Variants in RNMT observed in about 807,000 individuals in gnomAD.
The protein encoded by RNMT is RNA guanine-7 methyltransferase, also known as mRNA cap guanine-N(7) methyltransferase.
RNMT carries 27 observed loss-of-function variants against 56.0 expected under a neutral mutation model. That is an observed-to-expected ratio of 0.48 (90% confidence interval 0.36 to 0.67). The LOEUF (loss-of-function observed/expected upper bound fraction) is 0.67, where lower values mean the gene tolerates loss of function less well. RNMT is among the 30% of genes least tolerant of loss of function. The pLI is 0.00. For missense variants in RNMT, 519 were observed against 552.1 expected (o/e 0.94, Z 0.60); for synonymous variants, 184 against 176.2 (o/e 1.04, Z -0.35).
At chr18:13,732,423 A>T (rs2044086049) in intron 3 of RNMT, among the ~76,000 whole-genome samples, 1 of 152,214 alleles carries the variant, frequency 6.6e-6, no homozygotes, top group Non-Finnish European at 1.5e-5. Flanking sequence ...GATAACTTTT[A>T]AAATTATACC....
Position 13,754,099 on chromosome 18 carries a change from CTT to C in RNMT, c.1360-12_1360-11del, listed in dbSNP as rs776612053. 6 of 1,498,338 alleles carry C rather than the reference CTT, an allele frequency of 4.0e-6. No individual in the cohort carries two copies. The highest frequency in any genetic ancestry group is 5.6e-6 in the Non-Finnish European group (6 of 1,079,956). The allele number at this position is 1,498,338 out of a possible 1,614,324, so 92.8% of individuals were successfully genotyped here. A position where few individuals can be genotyped will look rare whatever the true frequency, so the allele number is the denominator to read the frequency against. On this transcript the variant is annotated splice_polypyrimidine_tract_variant and intron_variant, in intron 10 of 11. Coordinates refer to ENST00000383314, the MANE Select transcript of RNMT (RefSeq NM_003799.3). ...ATTGAATCTAAAATTTTCTTTTTCTCTTTTGTAATTTTAGGGAACCTTAAGTA... is the reference window on the plus strand; with the variant it reads ...ATTGAATCTAAAATTTTCTTTTTCTCTTGTAATTTTAGGGAACCTTAAGTA...
chr18:13,727,488 G>A (rs1467193191), intron 1 of RNMT, among the ~76,000 whole-genome samples: 1 of 152,134 alleles, frequency 6.6e-6, no homozygotes, highest in African/African-American at 2.4e-5. Context: ...ATACATAGAA[G>A]TTGCACATAT....
intron 8 of RNMT, among the ~76,000 whole-genome samples, chr18:13,745,983 T>A (rs554302322): frequency 7.2e-5 from 11 of 152,320 alleles, no homozygotes; most frequent in Non-Finnish European, 1.6e-4. Context: ...TCTCATTTAC[T>A]TCCTGACCTT....
At chr18:13,752,678 A>G (rs2044469886) in intron 10 of RNMT, among the ~76,000 whole-genome samples, 1 of 152,216 alleles carries the variant, frequency 6.6e-6, no homozygotes, top group Non-Finnish European at 1.5e-5. Context: ...TTGGTGTGCA[A>G]GTTCCCTGCT....
intron 5 of RNMT, among the ~76,000 whole-genome samples, 161 bp from the exon 6 acceptor site, chr18:13,740,006 A>G (rs2044226361): frequency 1.3e-5 from 2 of 152,164 alleles, no homozygotes; most frequent in Non-Finnish European, 2.9e-5. Flanking sequence ...CTGATAGGGT[A>G]TTTGCGTCGG....
chr18:13,753,849 A>ACACACACACACACACAATGCC (rs1555796287), intron 10 of RNMT, among the ~76,000 whole-genome samples: 6 of 151,224 alleles, frequency 4.0e-5, no homozygotes, highest in Non-Finnish European at 1.5e-5. Flanking sequence ...ACACACACAC[A>ACACACACACACACACAATGCC]CAATGCCCTC....
chr18:13,741,514 T>G lies in RNMT; in HGVS notation c.797T>G (p.Leu266Arg), dbSNP rs1192789237. The G allele has an allele frequency of 6.2e-7, 1 of 1,610,248 alleles. No individual in the cohort carries two copies. Among genetic ancestry groups the G allele is most frequent in the South Asian group, 1.1e-5 (1 of 90,094 alleles). ...EFITADSSKELLIDKFRDPQM... is the reference protein window; with the variant it reads ...EFITADSSKERLIDKFRDPQM... ...ACTCATTTTAATTTGTTTCAGGAAC[T>G]TCTGATTGACAAATTTCGTGACCCA... The change falls in exon 7 of 12, where the codon CTT becomes CGT. Residue 266 changes from leucine to arginine, a missense_variant. Leu to Arg is a moderately radical substitution (Grantham distance 102). Transcript: ENST00000383314.
intron 8 of RNMT, 200 bp downstream of exon 8, chr18:13,742,852 T>C: frequency 2.5e-6 from 1 of 402,838 alleles, no homozygotes; most frequent in Non-Finnish European, 4.3e-6. Flanking sequence ...GCCATAGGTC[T>C]CATAATAGCC....
At chr18:13,754,388 G>A (rs554382660) in intron 11 of RNMT, among the ~76,000 whole-genome samples, 16 of 152,188 alleles carry the variant, frequency 1.1e-4, no homozygotes, top group African/African-American at 3.9e-4. Flanking sequence ...TGTGCCTGTA[G>A]TCCAGCTACT....
At chr18:13,746,646 T>A (rs1568508592) in intron 9 of RNMT, among the ~76,000 whole-genome samples, 1 of 152,194 alleles carries the variant, frequency 6.6e-6, no homozygotes, top group Non-Finnish European at 1.5e-5. Context: ...CATTGTAGGA[T>A]ATTCAGTAGC....
Position 13,752,316 on chromosome 18 carries a change from C to T in RNMT, c.1258-10C>T. On this transcript the variant is annotated splice_polypyrimidine_tract_variant and intron_variant, in intron 9 of 11. Coordinates refer to ENST00000383314, the MANE Select transcript of RNMT (RefSeq NM_003799.3). ...GTTATTGTAACTAGGACTTTCATTTCTTTCCCCAGCCATATCCTGCAAATG... is the reference window on the plus strand; with the variant it reads ...GTTATTGTAACTAGGACTTTCATTTTTTTCCCCAGCCATATCCTGCAAATG... 2 of 1,574,468 alleles carry T rather than the reference C, an allele frequency of 1.3e-6. No homozygotes were observed. Among genetic ancestry groups the T allele is most frequent in the Non-Finnish European group, 1.7e-6 (2 of 1,146,310 alleles).
intron 8 of RNMT, among the ~76,000 whole-genome samples, chr18:13,745,952 G>T (rs951917335): frequency 1.3e-5 from 2 of 152,068 alleles, no homozygotes; most frequent in Non-Finnish European, 2.9e-5. Context: ...CACTTTTTCC[G>T]CATCTCACAG....
At chr18:13,745,438 C>T (rs2044335397) in intron 8 of RNMT, among the ~76,000 whole-genome samples, 1 of 152,004 alleles carries the variant, frequency 6.6e-6, no homozygotes, top group African/African-American at 2.4e-5. Context: ...TTGATGTTTT[C>T]TAGGTAAAAT....
intron 8 of RNMT, 36 bp downstream of exon 8, chr18:13,742,688 T>A: frequency 2.0e-6 from 3 of 1,510,564 alleles, no homozygotes; most frequent in Non-Finnish European, 2.7e-6. Context: ...CTTTTCTTTT[T>A]GTCTTAAGGG....
chr18:13,751,660 ATGCACACGTATGTTTAT>A (rs1283143635), intron 9 of RNMT, among the ~76,000 whole-genome samples: 1 of 152,202 alleles, frequency 6.6e-6, no homozygotes, highest in Non-Finnish European at 1.5e-5. Context: ...ACAAAGACAC[ATGCACACGTATGTTTAT>A]TGCAGCACTG....
At chr18:13,753,864 C>T (rs1422925160) in intron 10 of RNMT, among the ~76,000 whole-genome samples, 1 of 146,376 alleles carries the variant, frequency 6.8e-6, no homozygotes, top group East Asian at 1.9e-4. Context: ...GCCCTCTTCA[C>T]ACACATTCAC....
At chr18:13,727,227 C>T (rs1013998189) in intron 1 of RNMT, among the ~76,000 whole-genome samples, 1 of 152,226 alleles carries the variant, frequency 6.6e-6, no homozygotes, top group Non-Finnish European at 1.5e-5. Flanking sequence ...CCCGGCGGCC[C>T]TGGCGGCCTG....
At chr18:13,745,783 A>G (rs1323666655) in intron 8 of RNMT, among the ~76,000 whole-genome samples, 1 of 152,142 alleles carries the variant, frequency 6.6e-6, no homozygotes, top group Admixed American at 6.5e-5. Context: ...AAAAACCTGC[A>G]AAGAAGCAGT....
In RNMT at chr18:13,734,410, T is replaced by A. The variant is rs2044125213; in HGVS notation, c.418-54T>A. The A allele has an allele frequency of 2.0e-6, 3 of 1,525,740 alleles. No individual in the cohort carries two copies. The African/African-American group carries it at 4.2e-5, about 21-fold the overall frequency. The allele number at this position is 1,525,740 out of a possible 1,614,324, so 94.5% of individuals were successfully genotyped here. On this transcript the variant is annotated intron_variant, in intron 3 of 11. Coordinates refer to ENST00000383314, the MANE Select transcript of RNMT (RefSeq NM_003799.3). ...ATTCACAGGTCAAATGTTCTGAGGC[T>A]TATTTTTACCATGTTCTGATCCTTG...
Sources: gnomAD v4.1 joint callset for allele counts (sites outside exome capture counted in the v4.1 genomes callset) on GRCh38, gnomAD v4.1.1 for gene constraint, MANE v1.5 for transcripts, NCBI Gene and HGNC (gene_info 2026-07-23, HGNC 2026-07-21) for gene names.